The following ZNHIT6 variants were observed in gnomAD, a reference collection of about 807,000 sequenced individuals.
The protein encoded by ZNHIT6 is zinc finger HIT-type containing 6, also known as box C/D snoRNA protein 1.
ZNHIT6 carries 45 observed loss-of-function variants against 57.2 expected under a neutral mutation model. The observed-to-expected ratio is 0.79, with a 90% CI of 0.62 to 1.01. The LOEUF (loss-of-function observed/expected upper bound fraction) is 1.01. Among genes scored for constraint, ZNHIT6 ranks in the 50% least tolerant of loss-of-function variants. The pLI is 0.00. For synonymous variants in ZNHIT6, 188 were observed against 190.0 expected, an observed-to-expected ratio of 0.99 and a Z score of 0.09; for missense variants, 528 against 567.3, an observed-to-expected ratio of 0.93 and a Z score of 0.70.
chr1:85,701,721 T>A (rs1429971382), intron 5 of ZNHIT6, among the ~76,000 whole-genome samples: 1 of 152,176 alleles, frequency 6.6e-6, no homozygotes, highest in East Asian at 1.9e-4. Flanking sequence ...ATCTTAGTTC[T>A]CAAAGAAACA....
intron 5 of ZNHIT6, among the ~76,000 whole-genome samples, chr1:85,696,526 C>T (rs931788241): frequency 2.6e-5 from 4 of 152,046 alleles, no homozygotes; most frequent in African/African-American, 9.7e-5. Context: ...CCAGTTTTTA[C>T]ACTACTAAAA....
At position 85,707,958 on chromosome 1, in the gene ZNHIT6, A is replaced by T; in HGVS notation, c.327T>A (p.Asp109Glu). The change falls in exon 1 of 10, where the codon GAT becomes GAA. Residue 109 changes from aspartate to glutamate, a missense_variant. By Grantham distance (45) the Asp-to-Glu change is conservative. Coordinates refer to ENST00000370574, the MANE Select transcript of ZNHIT6 (RefSeq NM_017953.4). The stretch of plus-strand genomic sequence containing the variant: ...TCACCTCCAATACGCCTGCGTTCTC[A>T]TCCTTCACCTCAGGCCTATCCTCCA... ...QEVEDRPEVK[D>E]ENAGVLEVKQ... 1 of 1,613,384 alleles carries T rather than the reference A, an allele frequency of 6.2e-7. No individual in the cohort carries two copies. The highest frequency in any genetic ancestry group is 8.5e-7 in the Non-Finnish European group (1 of 1,179,882).
intron 8 of ZNHIT6, among the ~76,000 whole-genome samples, chr1:85,668,740 G>A (rs1356350874): frequency 2.0e-5 from 3 of 152,146 alleles, no homozygotes; most frequent in African/African-American, 7.2e-5. Context: ...ATTAGGCAAA[G>A]AGCACAGACT....
chr1:85,670,159 A>G (rs546763371), intron 8 of ZNHIT6, among the ~76,000 whole-genome samples: 1 of 152,208 alleles, frequency 6.6e-6, no homozygotes, highest in Admixed American at 6.5e-5. Flanking sequence ...AACCCTTTAG[A>G]GCAGGAATCG....
intron 5 of ZNHIT6, 43 bp from the exon 6 acceptor site, chr1:85,680,947 A>G: frequency 6.8e-7 from 1 of 1,462,882 alleles, no homozygotes; most frequent in African/African-American, 1.4e-5. Flanking sequence ...GTAGATAATA[A>G]AAGTCTGGAT....
At chr1:85,706,047 C>T (rs1662674356) in intron 4 of ZNHIT6, 31 bp downstream of exon 4, 2 of 1,533,822 alleles carry the variant, frequency 1.3e-6, no homozygotes, top group African/African-American at 1.4e-5. Flanking sequence ...TGAAGGACTT[C>T]TAACTGGAAG....
chr1:85,708,388 T>C lies in ZNHIT6; in HGVS notation c.-104A>G. The C allele has an allele frequency of 7.0e-7, 1 of 1,423,068 alleles. No homozygotes were observed. Among genetic ancestry groups the C allele is most frequent in the Middle Eastern group, 1.8e-4 (1 of 5,438 alleles). 88.2% of individuals were successfully genotyped at this position (1,423,068 alleles called of 1,614,324 possible). A position where few individuals can be genotyped will look rare whatever the true frequency, so the allele number is the denominator to read the frequency against. On this transcript the variant is annotated 5_prime_UTR_variant, in exon 1 of 10. Transcript: ENST00000370574. ...CGGAATACCTACGGCGGCCCACGTG[T>C]GGAGCCAAGCAGCCACAAACCCGGA... is the stretch of plus-strand genomic sequence containing the variant.
Position 85,694,013 on chromosome 1 carries a change from CTATA to C in ZNHIT6, c.1019+8140_1019+8143del, listed in dbSNP as rs1223550911. ...ACAAAAGTAAGAGTGAGCTGTCTGACTATATATGAAATTTTAAAACAGGCAAAAG... is the reference window on the plus strand; with the variant it reads ...ACAAAAGTAAGAGTGAGCTGTCTGACTATGAAATTTTAAAACAGGCAAAAG... On this transcript the variant is annotated intron_variant, in intron 5 of 9. Transcript: ENST00000370574. 3.3e-5 allele frequency among the ~76,000 whole-genome samples: 5 copies of C among 151,898 alleles called. No individual in the cohort carries two copies. In the East Asian group the frequency reaches 9.7e-4, roughly 29 times the overall value.
At position 85,706,306 on chromosome 1, in the gene ZNHIT6, G is replaced by A. The variant is rs374783757; in HGVS notation, c.772C>T (p.Arg258Ter). 13 of 1,613,186 alleles carry A rather than the reference G, an allele frequency of 8.1e-6. No homozygotes were observed. The African/African-American group carries it at 9.3e-5, about 12-fold the overall frequency. ...ATTGAAATGTATGCAGTTTTATCTC[G>A]AACTCCATTACATGTCAGTTCTGCT... ...HKAELTCNGV[R>*]DKTAYISIQQ... Residue 258 changes from arginine to a stop codon, truncating the protein, a stop_gained, in exon 3 of 10, where the codon CGA becomes TGA. Coordinates refer to ENST00000370574, the MANE Select transcript of ZNHIT6 (RefSeq NM_017953.4). LOFTEE classifies it high-confidence loss of function.
chr1:85,658,297 C>T (rs771103002), intron 8 of ZNHIT6, among the ~76,000 whole-genome samples: 8 of 152,056 alleles, frequency 5.3e-5, no homozygotes, highest in Non-Finnish European at 8.8e-5. Context: ...GGCACAATCT[C>T]GGCTCACTGC....
chr1:85,705,134 G>A (rs1379575431), intron 4 of ZNHIT6, among the ~76,000 whole-genome samples: 2 of 152,132 alleles, frequency 1.3e-5, no homozygotes, highest in East Asian at 3.9e-4. Flanking sequence ...GTGCAAGAGT[G>A]GTTTTTCAAA....
intron 8 of ZNHIT6, among the ~76,000 whole-genome samples, chr1:85,664,125 C>T (rs1038299420): frequency 4.6e-5 from 7 of 152,266 alleles, no homozygotes; most frequent in South Asian, 4.2e-4. Flanking sequence ...TTTTCATGGA[C>T]GATATCTTAA....
chr1:85,670,587 T>TA (rs1294279012), intron 8 of ZNHIT6, among the ~76,000 whole-genome samples: 1 of 152,240 alleles, frequency 6.6e-6, no homozygotes, highest in African/African-American at 2.4e-5. Context: ...AAAAGAGAGT[T>TA]AATCATCATG....
intron 8 of ZNHIT6, among the ~76,000 whole-genome samples, chr1:85,664,021 T>C (rs1427887690): frequency 1.3e-5 from 2 of 152,220 alleles, no homozygotes; most frequent in East Asian, 1.9e-4. Flanking sequence ...CTGACGATTA[T>C]GTATCTTAGG....
rs1218676016 is a variant in ZNHIT6, at chr1:85,653,654, T to A, written c.*404A>T. ...AGCTGAGTGTGGTGGTACCAGCCTGTTGGGAGGCTGCAGTGAGAGGACCAT... is the reference window on the plus strand; with the variant it reads ...AGCTGAGTGTGGTGGTACCAGCCTGATGGGAGGCTGCAGTGAGAGGACCAT... On this transcript the variant is annotated 3_prime_UTR_variant, in exon 10 of 10. Coordinates refer to ENST00000370574, the MANE Select transcript of ZNHIT6 (RefSeq NM_017953.4). The A allele has an allele frequency of 6.5e-6, 1 of 154,924 alleles. No individual in the cohort carries two copies. Among genetic ancestry groups the A allele is most frequent in the Non-Finnish European group, 1.4e-5 (1 of 70,438 alleles). The allele number at this position is 154,924 out of a possible 1,614,324, so 9.6% of individuals were successfully genotyped here.
At chr1:85,679,670 C>T (rs1029170670) in intron 6 of ZNHIT6, among the ~76,000 whole-genome samples, 8 of 151,198 alleles carry the variant, frequency 5.3e-5, no homozygotes, top group Middle Eastern at 3.4e-3. Flanking sequence ...CTGCAACCTC[C>T]GCCTCCTGCA....
intron 8 of ZNHIT6, among the ~76,000 whole-genome samples, chr1:85,676,367 C>G (rs994044200): frequency 6.7e-6 from 1 of 148,426 alleles, no homozygotes; most frequent in Non-Finnish European, 1.5e-5. Context: ...GACTGTTTTA[C>G]TTTTTTATCA....
intron 8 of ZNHIT6, among the ~76,000 whole-genome samples, chr1:85,663,029 C>T (rs2100652579): frequency 6.6e-6 from 1 of 152,234 alleles, no homozygotes; most frequent in African/African-American, 2.4e-5. Flanking sequence ...ATCCACAAGG[C>T]TTGAGTTCCA....
In ZNHIT6 at chr1:85,668,626, C is replaced by T. The variant is rs143449856; in HGVS notation, c.1247+8610G>A. On this transcript the variant is annotated intron_variant, in intron 8 of 9. Coordinates refer to ENST00000370574, the MANE Select transcript of ZNHIT6 (RefSeq NM_017953.4). The stretch of plus-strand genomic sequence containing the variant: ...ATAATTTTTAAGTTCTAACTTTTAA[C>T]ACACATCTTATAAATTTCCTATTTA... 4.0e-3 allele frequency among the ~76,000 whole-genome samples: 603 copies of T among 152,256 alleles called. 1 individual carries two copies. The highest frequency in any genetic ancestry group is 6.3e-3 in the Non-Finnish European group (428 of 68,016).
Sources: allele counts gnomAD v4.1 joint callset (sites outside exome capture counted in the v4.1 genomes callset), GRCh38; gene constraint gnomAD v4.1.1; transcripts MANE v1.5; gene names NCBI Gene and HGNC (gene_info 2026-07-23, HGNC 2026-07-21).